The following NLGN1 variants were observed in gnomAD, a reference collection of about 807,000 sequenced individuals.
NLGN1 encodes the protein neuroligin 1.
In NLGN1, 12 loss-of-function variants were observed where a neutral mutation model predicts 65.5. That is an observed-to-expected ratio of 0.18 (90% CI 0.12 to 0.30). NLGN1 has a LOEUF of 0.30. Ranked by LOEUF, NLGN1 falls within the 10% of genes least tolerant of loss-of-function variation. NLGN1 has a pLI of 1.00. For missense variants in NLGN1, 750 were observed against 1,007.1 expected (o/e 0.74, Z 3.46); for synonymous variants, 350 against 359.5 (o/e 0.97, Z 0.30).
intron 3 of NLGN1, among the ~76,000 whole-genome samples, chr3:173,752,682 G>T (rs968464035): frequency 6.6e-6 from 1 of 151,934 alleles, no homozygotes; most frequent in Non-Finnish European, 1.5e-5. Context: ...ACTAAACATG[G>T]CAGGAAAACT....
intron 4 of NLGN1, among the ~76,000 whole-genome samples, chr3:174,113,412 G>C (rs1715677050): frequency 6.6e-6 from 1 of 151,916 alleles, no homozygotes; most frequent in Non-Finnish European, 1.5e-5. Flanking sequence ...ATAAGACAAA[G>C]TTTTATGAGA....
At chr3:174,151,418 T>C (rs1724323073) in intron 4 of NLGN1, among the ~76,000 whole-genome samples, 1 of 152,166 alleles carries the variant, frequency 6.6e-6, no homozygotes, top group African/African-American at 2.4e-5. Flanking sequence ...TAATATTGAA[T>C]ATGCTGATTA....
intron 2 of NLGN1, among the ~76,000 whole-genome samples, chr3:173,557,199 A>G (rs1741853334): frequency 6.6e-6 from 1 of 152,054 alleles, no homozygotes; most frequent in African/African-American, 2.4e-5. Context: ...ACCTTTTTAT[A>G]ATTACGAAAT....
At chr3:174,022,890 G>C (rs73880315) in intron 4 of NLGN1, among the ~76,000 whole-genome samples, 4,703 of 152,104 alleles carry the variant, frequency 0.031, 255 homozygotes, top group African/African-American at 0.11. Context: ...TTTAGAGCTG[G>C]GTGTTGCTTA....
At chr3:174,269,483 G>A (rs1748931693) in intron 4 of NLGN1, among the ~76,000 whole-genome samples, 1 of 151,796 alleles carries the variant, frequency 6.6e-6, no homozygotes, top group Non-Finnish European at 1.5e-5. Flanking sequence ...TGTCTTCAGA[G>A]GCTCATCCAT....
chr3:174,292,018 CACAGAAT>C, the NLGN1 span, among the ~76,000 whole-genome samples: 38 of 151,272 alleles, frequency 2.5e-4, no homozygotes, highest in African/African-American at 8.2e-4. Context: ...TTATGTGTAA[CACAGAAT>C]ACAGCAAAGA....
At chr3:174,132,000 C>G (rs917818024) in intron 4 of NLGN1, among the ~76,000 whole-genome samples, 12 of 152,184 alleles carry the variant, frequency 7.9e-5, no homozygotes, top group Non-Finnish European at 1.5e-5. Flanking sequence ...CACCTTGTTT[C>G]ATCTGCCTTG....
chr3:173,933,264 A>G (rs1186348734), intron 4 of NLGN1, among the ~76,000 whole-genome samples: 3 of 152,176 alleles, frequency 2.0e-5, no homozygotes, highest in Admixed American at 1.3e-4. Flanking sequence ...GAGGAGGTAG[A>G]AAAGTAATGA....
chr3:173,955,278 G>C (rs923535673), intron 4 of NLGN1, among the ~76,000 whole-genome samples: 8 of 152,160 alleles, frequency 5.3e-5, no homozygotes, highest in African/African-American at 1.2e-4. Flanking sequence ...ACCATCTTTT[G>C]CTGATGCCGC....
chr3:173,611,151 ATTGT>A (rs2149470461), intron 3 of NLGN1, among the ~76,000 whole-genome samples: 1 of 152,102 alleles, frequency 6.6e-6, no homozygotes, highest in East Asian at 1.9e-4. Context: ...GATTCTTTCA[ATTGT>A]TTGATGTGTA....
intron 4 of NLGN1, among the ~76,000 whole-genome samples, chr3:173,837,768 G>A (rs1723932436): frequency 6.6e-6 from 1 of 152,120 alleles, no homozygotes; most frequent in Non-Finnish European, 1.5e-5. Flanking sequence ...CTATGGCAAA[G>A]CATGAGAATA....
At chr3:173,591,953 G>A (rs552832652) in intron 2 of NLGN1, among the ~76,000 whole-genome samples, 25 of 150,972 alleles carry the variant, frequency 1.7e-4, no homozygotes, top group Middle Eastern at 6.9e-3. Flanking sequence ...GCTCTACCAG[G>A]CTGTCTCTTC....
intron 2 of NLGN1, among the ~76,000 whole-genome samples, chr3:173,498,389 A>C (rs925281820): frequency 6.6e-6 from 1 of 151,680 alleles, no homozygotes; most frequent in African/African-American, 2.4e-5. Context: ...TGAACTCATC[A>C]TTTTTATGGC....
rs534967050 is a variant in NLGN1 at position 174,231,073 on chromosome 3, C to T, written c.647-44242C>T. On this transcript the variant is annotated intron_variant, in intron 4 of 6. Coordinates refer to ENST00000457714, the Ensembl canonical transcript of NLGN1. ...AAGTTCATCCCAAAGTGAGTTCTGT[C>T]TACACCCAGGAACGAACAAGGATAC... 2.6e-5 allele frequency among the ~76,000 whole-genome samples: 4 copies of T among 152,276 alleles called. No individual in the cohort carries two copies. In the South Asian group the frequency reaches 8.3e-4, roughly 32 times the overall value.
chr3:174,069,166 G>A (rs1580121716), intron 4 of NLGN1, among the ~76,000 whole-genome samples: 1 of 152,166 alleles, frequency 6.6e-6, no homozygotes, highest in East Asian at 1.9e-4. Flanking sequence ...TGGTTTAGAA[G>A]CCAGAATAGA....
intron 4 of NLGN1, among the ~76,000 whole-genome samples, chr3:174,109,233 T>C (rs1032673823): frequency 6.6e-6 from 1 of 152,062 alleles, no homozygotes; most frequent in Non-Finnish European, 1.5e-5. Flanking sequence ...TATTATACTT[T>C]TGTAGTGATT....
chr3:174,264,276 GT>G (rs1342178185), intron 4 of NLGN1, among the ~76,000 whole-genome samples: 1 of 151,188 alleles, frequency 6.6e-6, no homozygotes, highest in Non-Finnish European at 1.5e-5. Flanking sequence ...CCTGCAGAGT[GT>G]TTTCCAACTT....
At chr3:173,399,198 A>T (rs772950494) in intron 1 of NLGN1, among the ~76,000 whole-genome samples, 1 of 152,242 alleles carries the variant, frequency 6.6e-6, no homozygotes, top group Non-Finnish European at 1.5e-5. Flanking sequence ...ATCATTACTC[A>T]GGCCTTCTGA....
chr3:173,470,219 G>A (rs976014514), intron 2 of NLGN1, among the ~76,000 whole-genome samples: 1 of 152,008 alleles, frequency 6.6e-6, no homozygotes, highest in Non-Finnish European at 1.5e-5. Context: ...AGGGCATTCA[G>A]TGTGCACCAC....
Sources: gnomAD v4.1 joint callset for allele counts (sites outside exome capture counted in the v4.1 genomes callset) on GRCh38, gnomAD v4.1.1 for gene constraint, MANE v1.5 for transcripts, NCBI Gene and HGNC (gene_info 2026-07-23, HGNC 2026-07-21) for gene names.